SPOCK3: variants seen among roughly 807,000 people sequenced by gnomAD.
SPOCK3 encodes testican-3.
A neutral mutation model predicts 56.6 loss-of-function variants in SPOCK3; 30 were observed. The ratio of observed to expected loss-of-function variants is 0.53; its 90% CI spans 0.40 to 0.72. SPOCK3 has a LOEUF of 0.72. SPOCK3 is among the 30% of genes least tolerant of loss of function. SPOCK3 has a pLI of 0.00. For synonymous variants in SPOCK3, 196 were observed against 183.3 expected (o/e 1.07, Z -0.56); for missense variants, 527 against 530.0 (o/e 0.99, Z 0.06).
chr4:166,741,413 A>G lies in SPOCK3; in HGVS notation c.994+584T>C, dbSNP rs184900938. 8.5e-5 allele frequency among the ~76,000 whole-genome samples: 13 copies of G among 152,342 alleles called. No individual in the cohort carries two copies. The East Asian group carries it at 2.5e-3, about 29-fold the overall frequency. ...TATTCCAAAAATAGTTTATTTAAAAATTGTAAGTTTATAAGAATAAACCAC... is the reference window on the plus strand; with the variant it reads ...TATTCCAAAAATAGTTTATTTAAAAGTTGTAAGTTTATAAGAATAAACCAC... On this transcript the variant is annotated intron_variant, in intron 9 of 10. Coordinates refer to ENST00000357545, the MANE Select transcript of SPOCK3 (RefSeq NM_001040159.2).
intron 2 of SPOCK3, among the ~76,000 whole-genome samples, chr4:167,074,183 C>T (rs1468959429): frequency 1.3e-5 from 2 of 151,868 alleles, no homozygotes; most frequent in African/African-American, 2.4e-5. Context: ...AGTGGCAGTA[C>T]GTGACTCACC....
chr4:166,990,985 C>T (rs1400265289), intron 4 of SPOCK3, among the ~76,000 whole-genome samples: 1 of 152,050 alleles, frequency 6.6e-6, no homozygotes, highest in Non-Finnish European at 1.5e-5. Context: ...GTACTAATTG[C>T]TTTAAAGTAA....
chr4:166,998,845 T>G (rs911866510), intron 4 of SPOCK3, among the ~76,000 whole-genome samples: 2 of 152,158 alleles, frequency 1.3e-5, no homozygotes, highest in African/African-American at 4.8e-5. Context: ...GAATCCCTTT[T>G]GACACCCTTC....
intron 2 of SPOCK3, among the ~76,000 whole-genome samples, chr4:167,113,525 G>A (rs1329238546): frequency 1.3e-5 from 2 of 151,972 alleles, no homozygotes; most frequent in Non-Finnish European, 2.9e-5. Context: ...GAATAAGAAT[G>A]GGTTTCAGTC....
At chr4:166,748,609 T>C (rs1456046001) in intron 8 of SPOCK3, among the ~76,000 whole-genome samples, 1 of 136,650 alleles carries the variant, frequency 7.3e-6, no homozygotes, top group Non-Finnish European at 1.5e-5. Context: ...CCAAAAGCAA[T>C]GGCAACAAAA....
chr4:166,824,533 T>C (rs1471901647), intron 6 of SPOCK3, among the ~76,000 whole-genome samples: 1 of 152,106 alleles, frequency 6.6e-6, no homozygotes, highest in Non-Finnish European at 1.5e-5. Flanking sequence ...GAACACTAAG[T>C]CTGCTGGGAG....
intron 6 of SPOCK3, among the ~76,000 whole-genome samples, chr4:166,871,526 T>C (rs998670756): frequency 2.6e-5 from 4 of 152,086 alleles, no homozygotes; most frequent in Non-Finnish European, 5.9e-5. Flanking sequence ...ATAATCTGAA[T>C]AACCGTATAT....
chr4:167,029,075 G>T (rs1464272477), intron 3 of SPOCK3, among the ~76,000 whole-genome samples: 1 of 151,792 alleles, frequency 6.6e-6, no homozygotes, highest in African/African-American at 2.4e-5. Flanking sequence ...TGCTTTCCCT[G>T]CCCCCACAGA....
intron 2 of SPOCK3, among the ~76,000 whole-genome samples, chr4:167,139,397 G>C (rs1283649021): frequency 1.3e-5 from 2 of 151,922 alleles, no homozygotes; most frequent in Admixed American, 6.6e-5. Context: ...CCAAATTTCT[G>C]TGAGAAATAA....
intron 2 of SPOCK3, among the ~76,000 whole-genome samples, chr4:167,066,979 TG>T (rs1440326932): frequency 6.6e-6 from 1 of 151,834 alleles, no homozygotes; most frequent in Non-Finnish European, 1.5e-5. Context: ...CAGCTACATC[TG>T]TACTGATAAA....
At chr4:167,057,984 A>AT (rs1045515909) in intron 3 of SPOCK3, among the ~76,000 whole-genome samples, 35 of 151,986 alleles carry the variant, frequency 2.3e-4, no homozygotes, top group African/African-American at 8.2e-4. Flanking sequence ...CAGAATATAC[A>AT]TTTTTTTCAG....
chr4:166,859,205 G>T (rs999064267), intron 6 of SPOCK3, among the ~76,000 whole-genome samples: 16 of 152,124 alleles, frequency 1.1e-4, no homozygotes, highest in Admixed American at 8.5e-4. Flanking sequence ...GTTTATGTAA[G>T]TGCACTCCAT....
chr4:166,841,880 G>A (rs77629181), intron 6 of SPOCK3, among the ~76,000 whole-genome samples: 24 of 152,148 alleles, frequency 1.6e-4, no homozygotes, highest in South Asian at 2.1e-4. Flanking sequence ...GAATGAAGCC[G>A]TGGACCCTTG....
At chr4:167,005,302 C>T (rs930510321) in intron 3 of SPOCK3, among the ~76,000 whole-genome samples, 2 of 151,930 alleles carry the variant, frequency 1.3e-5, no homozygotes, top group Admixed American at 6.6e-5. Context: ...CTCTGCCTCC[C>T]GGGTTCATGC....
chr4:167,050,685 A>G (rs1754118968), intron 3 of SPOCK3, among the ~76,000 whole-genome samples: 1 of 152,190 alleles, frequency 6.6e-6, no homozygotes, highest in Admixed American at 6.5e-5. Context: ...AAAATGTGGG[A>G]TATACATACA....
At chr4:166,863,380 A>C (rs1287054584) in intron 6 of SPOCK3, among the ~76,000 whole-genome samples, 2 of 152,152 alleles carry the variant, frequency 1.3e-5, no homozygotes, top group Non-Finnish European at 2.9e-5. Flanking sequence ...TGCATCAACG[A>C]ATGTGCAAAA....
At chr4:166,857,733 A>G (rs547384200) in intron 6 of SPOCK3, among the ~76,000 whole-genome samples, 2 of 152,232 alleles carry the variant, frequency 1.3e-5, no homozygotes, top group Non-Finnish European at 2.9e-5. Context: ...AAAGTCATTC[A>G]AGTAACTCAT....
intron 7 of SPOCK3, among the ~76,000 whole-genome samples, chr4:166,776,655 A>C (rs1032353036): frequency 1.3e-5 from 2 of 152,146 alleles, no homozygotes; most frequent in African/African-American, 4.8e-5. Flanking sequence ...TAACAAAGGG[A>C]TCTAGGAAGG....
At chr4:166,776,747 G>C (rs975286957) in intron 7 of SPOCK3, among the ~76,000 whole-genome samples, 8 of 152,260 alleles carry the variant, frequency 5.3e-5, no homozygotes, top group East Asian at 1.9e-4. Flanking sequence ...AATAATGTTA[G>C]AGAAGAGAGC....
Sources: allele counts gnomAD v4.1 joint callset (sites outside exome capture counted in the v4.1 genomes callset), GRCh38; gene constraint gnomAD v4.1.1; transcripts MANE v1.5; gene names NCBI Gene and HGNC (gene_info 2026-07-23, HGNC 2026-07-21).